The following LHFPL6 variants were observed in gnomAD, a reference collection of about 807,000 sequenced individuals.
LHFPL6 encodes LHFPL tetraspan subfamily member 6, also known as LHFPL tetraspan subfamily member 6 protein.
LHFPL6 carries 9 observed loss-of-function variants against 20.6 expected under a neutral mutation model. The ratio of observed to expected loss-of-function variants is 0.44; its 90% CI spans 0.26 to 0.76. LHFPL6 has a LOEUF of 0.76. Among genes scored for constraint, LHFPL6 ranks in the 30% least tolerant of loss-of-function variants. LHFPL6 has a pLI of 0.20. For missense variants in LHFPL6, 218 were observed against 253.5 expected (o/e 0.86, Z 0.95); for synonymous variants, 105 against 98.7 (o/e 1.06, Z -0.38).
At chr13:39,365,779 A>G (rs1290293781) in intron 3 of LHFPL6, among the ~76,000 whole-genome samples, 1 of 152,208 alleles carries the variant, frequency 6.6e-6, no homozygotes, top group Non-Finnish European at 1.5e-5. Context: ...GCAAGGTTCC[A>G]TGGCAGGATT....
intron 3 of LHFPL6, among the ~76,000 whole-genome samples, chr13:39,369,602 C>CTTCCTTCCTTCCTTCCTTCCTTCCTCA: frequency 6.8e-6 from 1 of 147,068 alleles, no homozygotes; most frequent in African/African-American, 2.5e-5. Flanking sequence ...TTCCTTCCTC[C>CTTCCTTCCTTCCTTCCTTCCTTCCTCA]CTCTCTCCCT....
At chr13:39,544,811 G>C (rs1870924674) in intron 2 of LHFPL6, among the ~76,000 whole-genome samples, 1 of 152,092 alleles carries the variant, frequency 6.6e-6, no homozygotes, top group Admixed American at 6.5e-5. Flanking sequence ...AAAGTTTCAA[G>C]TATTCTTTCA....
chr13:39,588,501 T>G (rs1396392274), intron 2 of LHFPL6, among the ~76,000 whole-genome samples: 1 of 152,254 alleles, frequency 6.6e-6, no homozygotes, highest in African/African-American at 2.4e-5. Flanking sequence ...TAAATAAACT[T>G]AAGCTGGTTT....
chr13:39,534,696 G>A (rs1204773529), intron 2 of LHFPL6, among the ~76,000 whole-genome samples: 1 of 152,164 alleles, frequency 6.6e-6, no homozygotes, highest in African/African-American at 2.4e-5. Flanking sequence ...GGAGACCTGG[G>A]GAGGTGGGGG....
chr13:39,346,731 AAT>A (rs1869409555), intron 3 of LHFPL6, among the ~76,000 whole-genome samples: 1 of 152,108 alleles, frequency 6.6e-6, no homozygotes, highest in African/African-American at 2.4e-5. Flanking sequence ...TTTAAAAATC[AAT>A]CAGATCAAGC....
In LHFPL6 at chr13:39,454,162, C is replaced by T. The variant is rs549761873; in HGVS notation, c.386-75636G>A. ...TTAGATCTCAAACTATCGGTATAAT[C>T]TTCTAATTTGTCTCATTATAAAGTA... On this transcript the variant is annotated intron_variant, in intron 2 of 3. Transcript: ENST00000379589. Among the ~76,000 whole-genome samples the T allele has an allele frequency of 1.3e-5, 2 of 152,280 alleles. 1 individual carries two copies. The highest frequency in any genetic ancestry group is 3.9e-4 in the East Asian group (2 of 5,188).
intron 2 of LHFPL6, among the ~76,000 whole-genome samples, chr13:39,446,665 A>C (rs549095153): frequency 7.3e-6 from 1 of 136,282 alleles, no homozygotes; most frequent in Non-Finnish European, 1.6e-5. Flanking sequence ...TAGAGAAACT[A>C]AGATTTAGGA....
intron 2 of LHFPL6, among the ~76,000 whole-genome samples, chr13:39,401,835 C>G (rs1870998349): frequency 6.6e-6 from 1 of 152,110 alleles, no homozygotes; most frequent in Non-Finnish European, 1.5e-5. Context: ...TGCCCTTAAC[C>G]CTGTCATCTC....
intron 2 of LHFPL6, among the ~76,000 whole-genome samples, chr13:39,468,620 T>C: frequency 6.6e-6 from 1 of 152,220 alleles, no homozygotes; most frequent in Non-Finnish European, 1.5e-5. Context: ...TGATTTGCAC[T>C]CTGAAATCCA....
intron 2 of LHFPL6, among the ~76,000 whole-genome samples, chr13:39,422,135 T>G (rs957872721): frequency 2.0e-5 from 3 of 152,240 alleles, no homozygotes; most frequent in African/African-American, 7.2e-5. Flanking sequence ...TAGCCTTATT[T>G]GTTAATCACA....
chr13:39,480,457 G>T (rs1868473644), intron 2 of LHFPL6, among the ~76,000 whole-genome samples: 1 of 152,156 alleles, frequency 6.6e-6, no homozygotes, highest in East Asian at 1.9e-4. Context: ...CAAGATAAAA[G>T]TTCTCTTCTG....
At chr13:39,469,233 G>A (rs1279283819) in intron 2 of LHFPL6, among the ~76,000 whole-genome samples, 1 of 152,114 alleles carries the variant, frequency 6.6e-6, no homozygotes, top group East Asian at 1.9e-4. Flanking sequence ...TGCAACACAG[G>A]CACTGTGTGC....
chr13:39,541,383 T>C (rs1593355706), intron 2 of LHFPL6, among the ~76,000 whole-genome samples: 1 of 152,338 alleles, frequency 6.6e-6, no homozygotes, highest in East Asian at 1.9e-4. Flanking sequence ...CATCCTAGTG[T>C]TCAAAGCTCT....
At chr13:39,420,536 C>T (rs1027080910) in intron 2 of LHFPL6, among the ~76,000 whole-genome samples, 14 of 152,172 alleles carry the variant, frequency 9.2e-5, no homozygotes, top group Non-Finnish European at 1.8e-4. Context: ...TAACCCAAGA[C>T]TCCCTTCCAG....
chr13:39,580,166 C>T (rs998545099), intron 2 of LHFPL6, among the ~76,000 whole-genome samples: 3 of 151,768 alleles, frequency 2.0e-5, no homozygotes, highest in Non-Finnish European at 4.4e-5. Flanking sequence ...AGACTATAAA[C>T]ACATGAAAGC....
intron 2 of LHFPL6, among the ~76,000 whole-genome samples, chr13:39,442,407 T>C (rs1872164954): frequency 6.6e-6 from 1 of 152,302 alleles, no homozygotes; most frequent in South Asian, 2.1e-4. Flanking sequence ...CCCAAACAAG[T>C]TTCCATGTGT....
intron 2 of LHFPL6, among the ~76,000 whole-genome samples, chr13:39,557,602 T>C (rs1255486582): frequency 6.6e-6 from 1 of 152,196 alleles, no homozygotes; most frequent in Non-Finnish European, 1.5e-5. Flanking sequence ...AAAAGGATGA[T>C]TGTGTTTTAC....
chr13:39,569,424 A>G (rs1871842205), intron 2 of LHFPL6, among the ~76,000 whole-genome samples: 1 of 152,168 alleles, frequency 6.6e-6, no homozygotes, highest in South Asian at 2.1e-4. Flanking sequence ...CTCATTTTCA[A>G]AAGGAGAAAA....
chr13:39,601,908 A>G (rs1872963027), intron 1 of LHFPL6, among the ~76,000 whole-genome samples: 1 of 152,198 alleles, frequency 6.6e-6, no homozygotes, highest in South Asian at 2.1e-4. Context: ...AACAAGCATT[A>G]TGGTCTGCGG....
Sources: allele counts gnomAD v4.1 joint callset (sites outside exome capture counted in the v4.1 genomes callset), GRCh38; gene constraint gnomAD v4.1.1; transcripts MANE v1.5; gene names NCBI Gene and HGNC (gene_info 2026-07-23, HGNC 2026-07-21).